DTNB: variants seen among roughly 807,000 people sequenced by gnomAD.
The protein encoded by DTNB is dystrobrevin beta, also known as DTN-B.
DTNB carries 63 observed loss-of-function variants against 90.7 expected under a neutral mutation model. The observed-to-expected ratio is 0.69, with a 90% confidence interval of 0.57 to 0.86. DTNB has a LOEUF of 0.86. DTNB is among the 40% of genes least tolerant of loss of function. The probability of loss-of-function intolerance (pLI) is 0.00; values close to 1 mark genes in which losing one functional copy is unlikely to be tolerated. For synonymous variants in DTNB, 277 were observed against 286.7 expected (o/e 0.97, Z 0.34); for missense variants, 744 against 807.1 (o/e 0.92, Z 0.95).
chr2:25,466,254 G>T (rs2061758771), intron 10 of DTNB, among the ~76,000 whole-genome samples: 1 of 152,218 alleles, frequency 6.6e-6, no homozygotes, highest in Admixed American at 6.5e-5. Flanking sequence ...AGAATCGCTT[G>T]AACCTGGGAG....
intron 4 of DTNB, among the ~76,000 whole-genome samples, chr2:25,607,961 T>C (rs2067502684): frequency 6.6e-6 from 1 of 152,114 alleles, no homozygotes; most frequent in East Asian, 1.9e-4. Context: ...TAGAAGAACA[T>C]AAATGAATCA....
At chr2:25,472,695 C>T (rs909297232) in intron 10 of DTNB, among the ~76,000 whole-genome samples, 4 of 152,080 alleles carry the variant, frequency 2.6e-5, no homozygotes, top group African/African-American at 9.7e-5. Flanking sequence ...ACCACCCTGG[C>T]CAACATGGTA....
intron 1 of DTNB, among the ~76,000 whole-genome samples, chr2:25,654,633 C>T (rs924801792): frequency 4.6e-5 from 7 of 152,196 alleles, no homozygotes; most frequent in Admixed American, 2.6e-4. Context: ...TTTAACTAGC[C>T]TTGAAACTCA....
chr2:25,592,278 G>A (rs924433352), intron 6 of DTNB, among the ~76,000 whole-genome samples: 3 of 151,820 alleles, frequency 2.0e-5, no homozygotes, highest in African/African-American at 7.3e-5. Flanking sequence ...GAATATAGTT[G>A]ATAAGAGCAC....
intron 12 of DTNB, among the ~76,000 whole-genome samples, chr2:25,446,730 AT>A (rs1479277218): frequency 1.3e-5 from 2 of 152,104 alleles, no homozygotes; most frequent in Non-Finnish European, 2.9e-5. Context: ...AATTATTTTT[AT>A]TTATGTATCT....
intron 9 of DTNB, among the ~76,000 whole-genome samples, chr2:25,498,847 CA>C (rs34017287): frequency 0.043 from 2,768 of 64,918 alleles, 69 homozygotes; most frequent in African/African-American, 0.15. Flanking sequence ...AACCCTGTCT[CA>C]AAAAAAAAAA....
intron 2 of DTNB, among the ~76,000 whole-genome samples, chr2:25,640,635 T>G (rs747659668): frequency 6.6e-5 from 10 of 152,154 alleles, no homozygotes; most frequent in Non-Finnish European, 1.5e-4. Flanking sequence ...AAAGTCCAGA[T>G]GCAGTAGCTC....
At chr2:25,494,947 A>G (rs2068476921) in intron 9 of DTNB, among the ~76,000 whole-genome samples, 1 of 152,010 alleles carries the variant, frequency 6.6e-6, no homozygotes, top group Non-Finnish European at 1.5e-5. Context: ...AATCTACAAC[A>G]AAAAAATGTT....
chr2:25,511,353 A>C (rs2073905620), intron 9 of DTNB, among the ~76,000 whole-genome samples: 1 of 151,854 alleles, frequency 6.6e-6, no homozygotes, highest in Non-Finnish European at 1.5e-5. Context: ...TTTTTTTGAG[A>C]TGGAGTTTCG....
At chr2:25,466,104 GAGT>G (rs1035733668) in intron 10 of DTNB, among the ~76,000 whole-genome samples, 2 of 152,158 alleles carry the variant, frequency 1.3e-5, no homozygotes, top group Non-Finnish European at 2.9e-5. Flanking sequence ...GGAGGCTAAG[GAGT>G]AGACCACCTG....
chr2:25,634,088 CG>C (rs1364023386), intron 3 of DTNB, among the ~76,000 whole-genome samples: 3 of 151,584 alleles, frequency 2.0e-5, no homozygotes, highest in African/African-American at 7.3e-5. Context: ...GTCAGCCAGC[CG>C]CCCCGTCCGG....
chr2:25,597,630 C>G (rs761681805), intron 5 of DTNB, among the ~76,000 whole-genome samples: 5 of 152,136 alleles, frequency 3.3e-5, no homozygotes, highest in Non-Finnish European at 7.4e-5. Flanking sequence ...ATGACAGCTG[C>G]TAGTTTACAG....
chr2:25,460,018 A>G (rs1397995222), intron 10 of DTNB, among the ~76,000 whole-genome samples: 1 of 152,206 alleles, frequency 6.6e-6, no homozygotes, highest in African/African-American at 2.4e-5. Flanking sequence ...GTCAATTAGA[A>G]AACAACTGCA....
At position 25,455,470 on chromosome 2, in the gene DTNB, G is replaced by A; in HGVS notation, c.1104C>T (p.Pro368=). The A allele has an allele frequency of 6.2e-7, 1 of 1,607,302 alleles. No individual in the cohort carries two copies. Among genetic ancestry groups the A allele is most frequent in the Admixed American group, 1.7e-5 (1 of 59,112 alleles). The change falls in exon 11 of 21, where the codon CCC becomes CCT. Residue 368 remains proline (P), a synonymous_variant. Coordinates refer to ENST00000406818, the MANE Select transcript of DTNB (RefSeq NM_021907.5). ...TKRLQYSQDI[P]SHLADEHALI... ...GCGCATGCTCATCGGCCAAGTGACTGGGTATATCCTGGCTATACTGTAACC... is the reference window on the plus strand; with the variant it reads ...GCGCATGCTCATCGGCCAAGTGACTAGGTATATCCTGGCTATACTGTAACC...
At chr2:25,388,511 C>T in intron 16 of DTNB, 150 bp from the exon 17 acceptor site, 2 of 1,065,816 alleles carry the variant, frequency 1.9e-6, no homozygotes, top group Middle Eastern at 2.7e-4. Flanking sequence ...AGTTAGGCTG[C>T]TTCCAAGACT....
intron 6 of DTNB, among the ~76,000 whole-genome samples, chr2:25,595,597 C>T (rs1469478607): frequency 6.6e-6 from 1 of 152,150 alleles, no homozygotes; most frequent in African/African-American, 2.4e-5. Context: ...TCCAGCCTCT[C>T]TGTCAAGACC....
chr2:25,461,434 A>G (rs2060933997), intron 10 of DTNB, among the ~76,000 whole-genome samples: 3 of 152,244 alleles, frequency 2.0e-5, no homozygotes, highest in Non-Finnish European at 1.5e-5. Flanking sequence ...ATAAATATAC[A>G]TATATACATA....
At chr2:25,523,663 T>G (rs549963567) in intron 9 of DTNB, among the ~76,000 whole-genome samples, 1 of 148,294 alleles carries the variant, frequency 6.7e-6, no homozygotes, top group East Asian at 2.0e-4. Flanking sequence ...AAAAAAGAAC[T>G]GCTACTCATA....
intron 2 of DTNB, chr2:25,649,783 T>C (rs12992952): frequency 0.28 from 42,517 of 154,040 alleles, 6,730 homozygotes; most frequent in Non-Finnish European, 0.37. Flanking sequence ...TTAAGACTAA[T>C]AAGAGTTGAG....
Sources: allele counts gnomAD v4.1 joint callset (sites outside exome capture counted in the v4.1 genomes callset), GRCh38; gene constraint gnomAD v4.1.1; transcripts MANE v1.5; gene names NCBI Gene and HGNC (gene_info 2026-07-23, HGNC 2026-07-21).